RERE: variants seen among roughly 807,000 people sequenced by gnomAD.
RERE encodes arginine-glutamic acid dipeptide repeats protein.
Under a neutral mutation model 146.1 loss-of-function variants are expected in RERE, and 40 were observed. The ratio of observed to expected loss-of-function variants is 0.27; its 90% confidence interval spans 0.21 to 0.36. The LOEUF (loss-of-function observed/expected upper bound fraction) is 0.36. Among genes scored for constraint, RERE ranks in the 10% least tolerant of loss-of-function variants. RERE has a pLI of 1.00. For missense variants in RERE, 1,933 were observed against 2,138.7 expected, an observed-to-expected ratio of 0.90 and a Z score of 1.90; for synonymous variants, 1,003 against 866.0, an observed-to-expected ratio of 1.16 and a Z score of -2.78.
Position 8,423,789 on chromosome 1 carries a change from G to C in RERE, c.1204-982C>G. On this transcript the variant is annotated intron_variant, in intron 11 of 22. Coordinates refer to ENST00000400908, the MANE Select transcript of RERE (RefSeq NM_001042681.2). This position sits in a 1 kb window ranked among gnomAD's most constrained non-coding sequence, Gnocchi z 5.4. The stretch of plus-strand genomic sequence containing the variant: ...CGCTGACGGGGGAGGAGGCAGGAGC[G>C]CGGCGCGCAGAGCCCGGCGCGGCCG... 4.2e-6 allele frequency: 3 copies of C among 716,820 alleles called. No homozygotes were observed. Among genetic ancestry groups the C allele is most frequent in the Non-Finnish European group, 5.1e-6 (3 of 588,038 alleles). The allele number at this position is 716,820 out of a possible 1,614,324, so 44.4% of individuals were successfully genotyped here.
intron 4 of RERE, among the ~76,000 whole-genome samples, chr1:8,582,159 G>C (rs1646374412): frequency 6.6e-6 from 1 of 152,004 alleles, no homozygotes; most frequent in Non-Finnish European, 1.5e-5. Context: ...TTGCTCCTCT[G>C]GTTCAATGTA....
chr1:8,727,030 T>C (rs1435403325), intron 1 of RERE, among the ~76,000 whole-genome samples: 1 of 152,088 alleles, frequency 6.6e-6, no homozygotes, highest in Non-Finnish European at 1.5e-5. Context: ...GGTCTCAAAC[T>C]CCTGACCTCA....
intron 11 of RERE, among the ~76,000 whole-genome samples, chr1:8,449,792 G>A (rs1644368799): frequency 6.6e-6 from 1 of 152,144 alleles, no homozygotes; most frequent in South Asian, 2.1e-4. Flanking sequence ...TATTGGATGG[G>A]GGTCAGTAAT....
intron 2 of RERE, among the ~76,000 whole-genome samples, chr1:8,638,554 G>A (rs1647130987): frequency 6.6e-6 from 1 of 152,138 alleles, no homozygotes; most frequent in South Asian, 2.1e-4. Flanking sequence ...ACAAGTGGTG[G>A]CATGGAAATA....
intron 1 of RERE, among the ~76,000 whole-genome samples, chr1:8,708,300 T>C (rs569657782): frequency 6.6e-6 from 1 of 152,082 alleles, no homozygotes; most frequent in Non-Finnish European, 1.5e-5. Context: ...TGATGGTTGC[T>C]TTTTTGTTTT....
intron 1 of RERE, among the ~76,000 whole-genome samples, chr1:8,675,158 G>A (rs1187167756): frequency 6.6e-6 from 1 of 152,084 alleles, no homozygotes; most frequent in Non-Finnish European, 1.5e-5. Context: ...ACATTCTAAA[G>A]TGACTAACAA....
intron 11 of RERE, among the ~76,000 whole-genome samples, chr1:8,447,231 G>A (rs1248909203): frequency 6.6e-6 from 1 of 151,380 alleles, no homozygotes; most frequent in African/African-American, 2.4e-5. Flanking sequence ...CTCGCATTGG[G>A]TTAGAACATG....
Position 8,569,798 on chromosome 1 carries a change from G to A in RERE, c.523-12275C>T, listed in dbSNP as rs146221478. 4.6e-5 allele frequency among the ~76,000 whole-genome samples: 7 copies of A among 152,022 alleles called. No homozygotes were observed. The East Asian group carries it at 5.8e-4, about 13-fold the overall frequency. On this transcript the variant is annotated intron_variant, in intron 4 of 22. Coordinates refer to ENST00000400908, the MANE Select transcript of RERE (RefSeq NM_001042681.2). ...TCCCAGTTATTCTGGAGACTGAGGC[G>A]GTAGGATCTCCTGAGCCCAACAGCT...
intron 12 of RERE, among the ~76,000 whole-genome samples, chr1:8,406,405 C>T (rs963184410): frequency 1.3e-5 from 2 of 151,988 alleles, no homozygotes; most frequent in Non-Finnish European, 2.9e-5. Flanking sequence ...AGCAGTAATG[C>T]AACTTTTTTA....
intron 1 of RERE, among the ~76,000 whole-genome samples, chr1:8,743,080 TA>T (rs1258318152): frequency 2.6e-5 from 4 of 151,894 alleles, no homozygotes; most frequent in African/African-American, 4.8e-5. Context: ...CACACTTGTT[TA>T]AAAAAAGACA....
At chr1:8,433,647 G>T (rs907693062) in intron 11 of RERE, among the ~76,000 whole-genome samples, 3 of 147,614 alleles carry the variant, frequency 2.0e-5, no homozygotes, top group African/African-American at 7.6e-5. Flanking sequence ...TGCAAGCTCC[G>T]CTTCCCGGGT....
chr1:8,745,808 A>T (rs1452870614), intron 1 of RERE, among the ~76,000 whole-genome samples: 1 of 152,174 alleles, frequency 6.6e-6, no homozygotes, highest in Non-Finnish European at 1.5e-5. Flanking sequence ...GGTGGCTCAC[A>T]CCGGTAATAC....
Position 8,740,189 on chromosome 1 carries a change from G to A in RERE, c.-145+76971C>T, listed in dbSNP as rs529252990. On this transcript the variant is annotated intron_variant, in intron 1 of 22. Coordinates refer to ENST00000400908, the MANE Select transcript of RERE (RefSeq NM_001042681.2). ...ACAATGGATATATGTTCATCCTTGT[G>A]TGAACATGATAGAGTGTAGTTACAC... Among the ~76,000 whole-genome samples, 393 of 152,292 alleles carry A rather than the reference G, an allele frequency of 2.6e-3. 2 individuals are homozygous for A. Among genetic ancestry groups the A allele is most frequent in the African/African-American group, 9.0e-3 (373 of 41,550 alleles).
chr1:8,688,291 C>T (rs1045102262), intron 1 of RERE, among the ~76,000 whole-genome samples: 13 of 152,136 alleles, frequency 8.5e-5, no homozygotes. Flanking sequence ...TAAGGCCAGG[C>T]ATGGTGGCTC....
At chr1:8,492,602 A>G (rs1644993102) in intron 10 of RERE, among the ~76,000 whole-genome samples, 1 of 152,158 alleles carries the variant, frequency 6.6e-6, no homozygotes, top group South Asian at 2.1e-4. Flanking sequence ...TACAAAAAAA[A>G]TAAAACTTAA....
chr1:8,452,506 C>T (rs1644400534), intron 11 of RERE, among the ~76,000 whole-genome samples: 1 of 150,612 alleles, frequency 6.6e-6, no homozygotes, highest in Non-Finnish European at 1.5e-5. Context: ...CGCTCCCTTC[C>T]TTTTGTACAC....
At chr1:8,760,894 T>C (rs1461503921) in intron 1 of RERE, among the ~76,000 whole-genome samples, 2 of 152,242 alleles carry the variant, frequency 1.3e-5, no homozygotes, top group East Asian at 1.9e-4. Flanking sequence ...TTATGTTCCA[T>C]GTGCCAGGCT....
intron 7 of RERE, among the ~76,000 whole-genome samples, chr1:8,520,753 TTAAAAAA>T (rs1296829407): frequency 1.3e-5 from 1 of 78,158 alleles, no homozygotes; most frequent in Non-Finnish European, 2.5e-5. Context: ...AAAAAACTTT[TTAAAAAA>T]AAAAAAAAAA....
chr1:8,647,175 C>G (rs1157418967), intron 2 of RERE, among the ~76,000 whole-genome samples: 2 of 152,162 alleles, frequency 1.3e-5, no homozygotes, highest in Non-Finnish European at 2.9e-5. Flanking sequence ...TTGTTTAAGC[C>G]ACTCCATTTG....
Sources: gnomAD v4.1 joint callset for allele counts (sites outside exome capture counted in the v4.1 genomes callset) on GRCh38, gnomAD v4.1.1 for gene constraint, Gnocchi (gnomAD v3.1) non-coding constraint, MANE v1.5 for transcripts, NCBI Gene and HGNC (gene_info 2026-07-23, HGNC 2026-07-21) for gene names.